The following GSE1 variants were observed in gnomAD, a reference collection of about 807,000 sequenced individuals.
The protein encoded by GSE1 is Gse1 coiled-coil protein.
Under a neutral mutation model 112.6 loss-of-function variants are expected in GSE1, and 32 were observed. That is an observed-to-expected ratio of 0.28 (90% confidence interval 0.21 to 0.38). The LOEUF (loss-of-function observed/expected upper bound fraction) is 0.38. GSE1 is among the 10% of genes least tolerant of loss of function. The pLI is 1.00. For synonymous variants in GSE1, 1,115 were observed against 735.6 expected (o/e 1.52, Z -8.35); for missense variants, 2,348 against 1,699.2 (o/e 1.38, Z -6.71).
At chr16:85,210,439 C>G (rs2143650826) in intron 1 of GSE1, among the ~76,000 whole-genome samples, 1 of 152,200 alleles carries the variant, frequency 6.6e-6, no homozygotes, top group East Asian at 1.9e-4. Context: ...CCCATTTCTA[C>G]AAAAAAATTA....
chr16:85,256,190 C>T (rs1460881387), intron 1 of GSE1, among the ~76,000 whole-genome samples: 3 of 151,658 alleles, frequency 2.0e-5, no homozygotes, highest in Admixed American at 2.0e-4. Context: ...CCTCGGCAGG[C>T]AGACTCGGAC....
intron 2 of GSE1, among the ~76,000 whole-genome samples, chr16:85,392,152 G>A (rs1339680712): frequency 4.6e-5 from 7 of 151,912 alleles, no homozygotes; most frequent in African/African-American, 1.5e-4. Context: ...CCTGGGATCC[G>A]CCTCTTGAGG....
At position 85,661,658 on chromosome 16, in the gene GSE1, G is replaced by A. The variant is rs755052486; in HGVS notation, c.2153G>A (p.Arg718Gln). ...PGSPYRPPVP[R>Q]APDPAYIYDE... ...TCGCCCTACCGGCCCCCAGTGCCAC[G>A]GGCCCCCGACCCTGCCTACATCTAT... is the stretch of plus-strand genomic sequence containing the variant. The change falls in exon 9 of 16, where the codon CGG (arginine) becomes CAG (glutamine). Residue 718 changes from arginine (R) to glutamine (Q), a missense_variant. Physicochemically the swap from Arg to Gln is conservative, Grantham distance 43. Coordinates refer to ENST00000253458, the MANE Select transcript of GSE1 (RefSeq NM_014615.5). The A allele has an allele frequency of 2.6e-5, 42 of 1,610,920 alleles. No homozygotes were observed. The highest frequency in any genetic ancestry group is 2.2e-4 in the East Asian group (10 of 44,834).
intron 2 of GSE1, among the ~76,000 whole-genome samples, chr16:85,549,084 G>A (rs1165262115): frequency 2.0e-5 from 3 of 152,146 alleles, no homozygotes; most frequent in Admixed American, 1.3e-4. Flanking sequence ...ACCGCGCCCG[G>A]CCTGGAGATT....
intron 14 of GSE1, among the ~76,000 whole-genome samples, chr16:85,669,888 C>T (rs148859376): frequency 1.8e-3 from 270 of 151,654 alleles, no homozygotes; most frequent in African/African-American, 6.3e-3. Flanking sequence ...GGCTTCGCCC[C>T]TGTCAGGCAT....
At chr16:85,374,261 G>A (rs2047366481) in intron 2 of GSE1, among the ~76,000 whole-genome samples, 2 of 151,286 alleles carry the variant, frequency 1.3e-5, no homozygotes, top group South Asian at 4.2e-4. Context: ...GTGGTCCTCG[G>A]TGTGCAGTGT....
At chr16:85,216,728 G>C (rs1049372618) in intron 1 of GSE1, among the ~76,000 whole-genome samples, 7 of 152,210 alleles carry the variant, frequency 4.6e-5, no homozygotes, top group Middle Eastern at 3.2e-3. Context: ...CCCAGCACCT[G>C]CTTAGAGGTG....
chr16:85,560,822 TA>T (rs1421918985), intron 1 of GSE1, among the ~76,000 whole-genome samples: 1 of 151,584 alleles, frequency 6.6e-6, no homozygotes, highest in Non-Finnish European at 1.5e-5. Context: ...ATAACGATCC[TA>T]AAAAAAATAA....
intron 1 of GSE1, chr16:85,583,362 G>A (rs941644817): frequency 6.6e-6 from 1 of 152,622 alleles, no homozygotes; most frequent in African/African-American, 2.4e-5. Flanking sequence ...CCTGCTTCCA[G>A]GGTCCTCCAT....
rs1036673436 is a variant in GSE1, at chr16:85,525,044, C to T, written c.2465-108870C>T. 8.5e-5 allele frequency among the ~76,000 whole-genome samples: 13 copies of T among 152,322 alleles called. No individual in the cohort carries two copies. In the East Asian group the frequency reaches 1.9e-3, roughly 23 times the overall value. On this transcript the variant is annotated intron_variant, in intron 2 of 2. Transcript: ENST00000637419. The stretch of plus-strand genomic sequence containing the variant: ...GGCCGTCTCACTGGCTGCCCGCAGC[C>T]TCTGCTGCAATCGGCCCTCGTGGTT...
chr16:85,408,297 G>A (rs796214862), intron 2 of GSE1, among the ~76,000 whole-genome samples: 27 of 4,222 alleles, frequency 6.4e-3, no homozygotes, highest in Non-Finnish European at 0.01. Context: ...AGGGCCCCCC[G>A]GATAATCCTC....
intron 1 of GSE1, among the ~76,000 whole-genome samples, chr16:85,591,687 G>A (rs1179723413): frequency 6.6e-6 from 1 of 152,232 alleles, no homozygotes. Flanking sequence ...GGACCTCACC[G>A]GGACTCCGTC....
chr16:85,606,420 C>T (rs969217892), upstream of GSE1, among the ~76,000 whole-genome samples: 10 of 152,244 alleles, frequency 6.6e-5, no homozygotes, highest in African/African-American at 1.2e-4. Flanking sequence ...GGGCCCTGAA[C>T]GCGGACCTGG....
At chr16:85,653,750 GC>G (rs1273751839) in intron 3 of GSE1, among the ~76,000 whole-genome samples, 1 of 152,190 alleles carries the variant, frequency 6.6e-6, no homozygotes, top group African/African-American at 2.4e-5. Context: ...CAGGGGCAGT[GC>G]CAGCTTCCTT....
rs1054492420 is a variant in GSE1 at position 85,468,519 on chromosome 16, T to C, written c.2464+110876T>C. 5.3e-5 allele frequency among the ~76,000 whole-genome samples: 8 copies of C among 152,008 alleles called. No homozygotes were observed. The South Asian group carries it at 1.0e-3, about 20-fold the overall frequency. ...CTTAGTAGAGATAGGGTTTTCACCA[T>C]GTTGGCCAGGCTGGTCTTGAACTCC... On this transcript the variant is annotated intron_variant, in intron 2 of 2. Coordinates refer to the GSE1 transcript ENST00000637419.
chr16:85,304,145 G>T (rs1182142481), intron 1 of GSE1, among the ~76,000 whole-genome samples: 1 of 152,304 alleles, frequency 6.6e-6, no homozygotes, highest in South Asian at 2.1e-4. Context: ...TTTCTGCACC[G>T]CATCCCATTG....
chr16:85,655,975 G>T (rs933201682), intron 6 of GSE1, 58 bp downstream of exon 6: 16 of 1,411,812 alleles, frequency 1.1e-5, no homozygotes, highest in East Asian at 2.3e-5. Context: ...GATGGCAGCT[G>T]GGCAGAAAGC....
intron 1 of GSE1, among the ~76,000 whole-genome samples, chr16:85,199,051 T>A (rs1046318138): frequency 1.3e-5 from 2 of 152,140 alleles, no homozygotes; most frequent in African/African-American, 4.8e-5. Context: ...TTCAAGTGAT[T>A]CTGCTGCCTC....
chr16:85,648,260 G>T (rs1164563701), intron 2 of GSE1, among the ~76,000 whole-genome samples: 2 of 152,160 alleles, frequency 1.3e-5, no homozygotes, highest in African/African-American at 4.8e-5. Flanking sequence ...CCTGTCTGGT[G>T]GCGGTGGGCG....
Sources: gnomAD v4.1 joint callset for allele counts (sites outside exome capture counted in the v4.1 genomes callset) on GRCh38, gnomAD v4.1.1 for gene constraint, MANE v1.5 for transcripts, NCBI Gene and HGNC (gene_info 2026-07-23, HGNC 2026-07-21) for gene names.